The following RILPL2 variants were observed in gnomAD, a reference collection of about 807,000 sequenced individuals.
RILPL2 encodes Rab interacting lysosomal protein like 2.
Under a neutral mutation model 22.2 loss-of-function variants are expected in RILPL2, and 19 were observed. The ratio of observed to expected loss-of-function variants is 0.86; its 90% CI spans 0.60 to 1.25. RILPL2 has a LOEUF of 1.25. RILPL2 is among the 50% of genes most tolerant of loss of function. The pLI, the probability that RILPL2 is intolerant of heterozygous loss-of-function variation, is 0.00. For missense variants in RILPL2, 243 were observed against 263.6 expected, an observed-to-expected ratio of 0.92 and a Z score of 0.54; for synonymous variants, 123 against 111.6, an observed-to-expected ratio of 1.10 and a Z score of -0.64.
chr12:123,421,799 G>A (rs1210381258), intron 3 of RILPL2, among the ~76,000 whole-genome samples: 1 of 151,036 alleles, frequency 6.6e-6, no homozygotes, highest in East Asian at 2.0e-4. Flanking sequence ...TCCCGAATAG[G>A]TGGGATTACA....
intron 1 of RILPL2, among the ~76,000 whole-genome samples, chr12:123,431,853 A>G (rs1288401016): frequency 2.0e-5 from 3 of 151,616 alleles, no homozygotes; most frequent in Non-Finnish European, 2.9e-5. Flanking sequence ...TTAAGATGGT[A>G]AATTTTATGT....
intron 2 of RILPL2, among the ~76,000 whole-genome samples, chr12:123,429,335 G>T (rs151116374): frequency 6.6e-6 from 1 of 151,960 alleles, no homozygotes; most frequent in African/African-American, 2.4e-5. Flanking sequence ...TTGCTCTTTC[G>T]CCCAGGCTGC....
chr12:123,423,201 T>G, intron 2 of RILPL2, 44 bp from the exon 3 acceptor site: 1 of 1,085,988 alleles, frequency 9.2e-7, no homozygotes, highest in Non-Finnish European at 1.4e-6. Flanking sequence ...TTATTACAGA[T>G]CGTTTTTTTT....
At chr12:123,425,892 T>C (rs963145249) in intron 2 of RILPL2, among the ~76,000 whole-genome samples, 4 of 152,100 alleles carry the variant, frequency 2.6e-5, no homozygotes, top group African/African-American at 9.7e-5. Context: ...CCTCAGGCAA[T>C]CTGCCTGCCT....
chr12:123,431,004 C>G (rs1307531984), intron 1 of RILPL2, among the ~76,000 whole-genome samples: 1 of 152,062 alleles, frequency 6.6e-6, no homozygotes, highest in Non-Finnish European at 1.5e-5. Flanking sequence ...CGGCCTACGC[C>G]TGGCTAATTT....
rs1291216469 is a variant in RILPL2 at position 123,415,932 on chromosome 12, G to A, written c.606-11C>T. 5.6e-6 allele frequency: 9 copies of A among 1,614,086 alleles called. No individual in the cohort carries two copies. The highest frequency in any genetic ancestry group is 7.6e-6 in the Non-Finnish European group (9 of 1,179,944). On this transcript the variant is annotated splice_polypyrimidine_tract_variant and intron_variant, in intron 3 of 3. Coordinates refer to ENST00000280571, the MANE Select transcript of RILPL2 (RefSeq NM_145058.3). Reference sequence around the variant, plus strand: ...GATCGAAAAAAGAACCTGGTGTGGAGAGAGAGAGGGTTCAGGGTAAGCAGA... The same window carrying A: ...GATCGAAAAAAGAACCTGGTGTGGAAAGAGAGAGGGTTCAGGGTAAGCAGA...
intron 3 of RILPL2, among the ~76,000 whole-genome samples, chr12:123,419,776 T>TTATTTAATTTTTATTTTTATC (rs1879223560): frequency 6.6e-6 from 1 of 151,572 alleles, no homozygotes; most frequent in Admixed American, 6.6e-5. Flanking sequence ...GTATTTTTAT[T>TTATTTAATTTTTATTTTTATC]TATTTAATTT....
downstream of RILPL2, chr12:123,413,847 G>A (rs1042644222): frequency 1.1e-4 from 17 of 152,230 alleles, no homozygotes; most frequent in African/African-American, 3.9e-4. Context: ...TGGACACAAA[G>A]GTTCTCCAAG....
At chr12:123,423,654 C>G (rs913742099) in intron 2 of RILPL2, among the ~76,000 whole-genome samples, 1 of 147,324 alleles carries the variant, frequency 6.8e-6, no homozygotes, top group Non-Finnish European at 1.5e-5. Flanking sequence ...TGTGATGCCT[C>G]GTTTCTTTTT....
intron 2 of RILPL2, among the ~76,000 whole-genome samples, chr12:123,430,159 C>T (rs1238103241): frequency 1.4e-5 from 2 of 147,788 alleles, no homozygotes; most frequent in Non-Finnish European, 3.0e-5. Flanking sequence ...CCTGTAATCC[C>T]GGCACTTTGG....
At chr12:123,426,094 C>A (rs1179835821) in intron 2 of RILPL2, among the ~76,000 whole-genome samples, 1 of 152,096 alleles carries the variant, frequency 6.6e-6, no homozygotes, top group Non-Finnish European at 1.5e-5. Context: ...CAGGCATGAG[C>A]CACCAAACCC....
At chr12:123,412,466 T>C (rs764679448), downstream of RILPL2, 25 of 152,192 alleles carry the variant, frequency 1.6e-4, no homozygotes, top group Non-Finnish European at 1.8e-4. Context: ...CACAGGGTTC[T>C]AGGGATTAGG....
chr12:123,422,673 A>G, intron 3 of RILPL2, among the ~76,000 whole-genome samples: 1 of 152,136 alleles, frequency 6.6e-6, no homozygotes. Flanking sequence ...AGCCTGGTCA[A>G]ACATCACAGG....
intron 2 of RILPL2, among the ~76,000 whole-genome samples, chr12:123,429,462 A>G (rs1431672888): frequency 6.7e-6 from 1 of 149,942 alleles, no homozygotes; most frequent in Non-Finnish European, 1.5e-5. Context: ...CACCTGGCTA[A>G]TTTTTGTATT....
At position 123,415,838 on chromosome 12, in the gene RILPL2, T is replaced by C. The variant is rs919799124; in HGVS notation, c.*53A>G. On this transcript the variant is annotated 3_prime_UTR_variant, in exon 4 of 4. Coordinates refer to ENST00000280571, the MANE Select transcript of RILPL2 (RefSeq NM_145058.3). ...CAGGGAGGTGGTTTTGCCAGGCATCTTGGAAGGTTGTCTTCTAGAATCAGA... is the reference window on the plus strand; with the variant it reads ...CAGGGAGGTGGTTTTGCCAGGCATCCTGGAAGGTTGTCTTCTAGAATCAGA... 6.3e-7 allele frequency: 1 copy of C among 1,592,346 alleles called. No individual in the cohort carries two copies.
chr12:123,423,498 G>T (rs1342879012), intron 2 of RILPL2, among the ~76,000 whole-genome samples: 1 of 150,770 alleles, frequency 6.6e-6, no homozygotes, highest in Non-Finnish European at 1.5e-5. Context: ...ACTGAGCCTG[G>T]CTTTTATTAC....
chr12:123,432,238 G>T (rs1879673247), intron 1 of RILPL2, among the ~76,000 whole-genome samples: 1 of 152,154 alleles, frequency 6.6e-6, no homozygotes, highest in African/African-American at 2.4e-5. Context: ...AGGAATAGTG[G>T]CTCACGCCTG....
In RILPL2 at chr12:123,430,611, G is replaced by T. The variant is rs757144140; in HGVS notation, c.388C>A (p.Arg130=). The stretch of plus-strand genomic sequence containing the variant: ...AGCTCCTGCAGAGTGAAGCGGGGTC[G>T]GTTGGGATCTGTCAGGTCAACCACC... ...KMVVDLTDPN[R]PRFTLQELRD... is the part of the protein sequence containing the mutation. The change falls in exon 2 of 4, where the codon CGA becomes AGA. Residue 130 remains arginine, a synonymous_variant. Transcript: ENST00000280571. The T allele has an allele frequency of 6.2e-7, 1 of 1,610,824 alleles. No individual in the cohort carries two copies. Among genetic ancestry groups the T allele is most frequent in the South Asian group, 1.1e-5 (1 of 90,856 alleles).
At chr12:123,433,886 T>A (rs560661530) in intron 1 of RILPL2, among the ~76,000 whole-genome samples, 8 of 152,254 alleles carry the variant, frequency 5.3e-5, no homozygotes, top group Admixed American at 4.6e-4. Context: ...ATGTCTGTAT[T>A]TTAGGATGGA....
Sources: gnomAD v4.1 joint callset for allele counts (sites outside exome capture counted in the v4.1 genomes callset) on GRCh38, gnomAD v4.1.1 for gene constraint, MANE v1.5 for transcripts, NCBI Gene and HGNC (gene_info 2026-07-23, HGNC 2026-07-21) for gene names.